USP25: variants seen among roughly 807,000 people sequenced by gnomAD.
The protein encoded by USP25 is ubiquitin carboxyl-terminal hydrolase 25.
USP25 carries 85 observed loss-of-function variants against 158.5 expected under a neutral mutation model. That is an observed-to-expected ratio of 0.54 (90% CI 0.45 to 0.64). The LOEUF (loss-of-function observed/expected upper bound fraction) is 0.64, where lower values mean the gene tolerates loss of function less well. Among genes scored for constraint, USP25 ranks in the 30% least tolerant of loss-of-function variants. USP25 has a pLI of 0.00. For synonymous variants in USP25, 464 were observed against 460.4 expected, an observed-to-expected ratio of 1.01 and a Z score of -0.10; for missense variants, 1,242 against 1,327.3, an observed-to-expected ratio of 0.94 and a Z score of 1.00.
At chr21:15,755,192 T>A (rs573521871) in intron 1 of USP25, among the ~76,000 whole-genome samples, 1 of 152,194 alleles carries the variant, frequency 6.6e-6, no homozygotes, top group South Asian at 2.1e-4. Context: ...TTTGGAAGGT[T>A]TTTTTAGAGG....
chr21:15,744,137 A>G (rs968661655), intron 1 of USP25: 3 of 153,120 alleles, frequency 2.0e-5, no homozygotes, highest in African/African-American at 7.2e-5. Flanking sequence ...TGTGGTTTCT[A>G]TGGTGTAAAG....
intron 20 of USP25, among the ~76,000 whole-genome samples, chr21:15,857,294 A>G (rs190876940): frequency 1.3e-3 from 196 of 152,292 alleles, no homozygotes; most frequent in African/African-American, 4.3e-3. Flanking sequence ...TATTTGAGTT[A>G]TTTTCAATAT....
chr21:15,767,470 CA>C (rs1364049705), intron 3 of USP25, among the ~76,000 whole-genome samples: 1 of 151,980 alleles, frequency 6.6e-6, no homozygotes, highest in Non-Finnish European at 1.5e-5. Flanking sequence ...TTTGCTTGAA[CA>C]TTATTGGTGC....
intron 1 of USP25, among the ~76,000 whole-genome samples, chr21:15,757,980 G>A (rs1187629358): frequency 2.6e-5 from 4 of 152,228 alleles, no homozygotes. Context: ...GATTTTGTAA[G>A]GAAAACTTCT....
chr21:15,782,710 C>T (rs746216494), intron 4 of USP25, among the ~76,000 whole-genome samples: 29 of 152,228 alleles, frequency 1.9e-4, no homozygotes, highest in Admixed American at 7.8e-4. Context: ...AGCCACCACA[C>T]GCCATTTCCA....
intron 3 of USP25, among the ~76,000 whole-genome samples, chr21:15,777,462 C>G (rs1216448919): frequency 6.6e-6 from 1 of 152,112 alleles, no homozygotes; most frequent in African/African-American, 2.4e-5. Flanking sequence ...TAAGAGTTCA[C>G]TGTTAATTAT....
intron 15 of USP25, among the ~76,000 whole-genome samples, chr21:15,831,095 A>C (rs979008635): frequency 6.6e-6 from 1 of 152,190 alleles, no homozygotes; most frequent in African/African-American, 2.4e-5. Context: ...ACTGCCCACT[A>C]TAAGCTTTTT....
chr21:15,817,948 A>G (rs537339990), intron 9 of USP25, among the ~76,000 whole-genome samples: 2 of 152,282 alleles, frequency 1.3e-5, no homozygotes, highest in South Asian at 4.1e-4. Context: ...TAGGACCACA[A>G]GACCTTGTAG....
At chr21:15,799,663 C>T (rs1366558882) in intron 5 of USP25, 94 bp from the exon 6 acceptor site, 6 of 742,486 alleles carry the variant, frequency 8.1e-6, no homozygotes, top group Non-Finnish European at 1.3e-5. Flanking sequence ...AAGTAGTACA[C>T]AGTTGTAAAA....
At chr21:15,819,492 C>T (rs2037121054) in intron 10 of USP25, among the ~76,000 whole-genome samples, 1 of 152,090 alleles carries the variant, frequency 6.6e-6, no homozygotes, top group Non-Finnish European at 1.5e-5. Flanking sequence ...ACGTGCTTCC[C>T]CAATCAGTTA....
chr21:15,817,251 T>C (rs1036695117), intron 9 of USP25, among the ~76,000 whole-genome samples: 1 of 152,200 alleles, frequency 6.6e-6, no homozygotes, highest in African/African-American at 2.4e-5. Context: ...ATTTTCCTTC[T>C]TACCTATCTC....
At chr21:15,806,986 T>C (rs540316607) in intron 7 of USP25, among the ~76,000 whole-genome samples, 1 of 152,226 alleles carries the variant, frequency 6.6e-6, no homozygotes, top group African/African-American at 2.4e-5. Flanking sequence ...TACAGTGGTA[T>C]GACAATGGCT....
intron 10 of USP25, 38 bp downstream of exon 10, chr21:15,818,884 G>T (rs776080540): frequency 6.2e-7 from 1 of 1,606,398 alleles, no homozygotes; most frequent in Admixed American, 1.7e-5. Context: ...TTCTTCCCTA[G>T]GTCTTTCTTA....
intron 23 of USP25, among the ~76,000 whole-genome samples, chr21:15,871,527 C>A (rs372174214): frequency 6.6e-6 from 1 of 152,052 alleles, no homozygotes; most frequent in Non-Finnish European, 1.5e-5. Flanking sequence ...ATAGAGACCT[C>A]GTATTCTTGT....
intron 1 of USP25, 89 bp downstream of exon 1, chr21:15,730,527 C>G (rs1181794080): frequency 7.9e-7 from 1 of 1,270,708 alleles, no homozygotes; most frequent in Non-Finnish European, 1.0e-6. Context: ...GGCCTCGCCG[C>G]CGCCGCCTTC....
intron 22 of USP25, among the ~76,000 whole-genome samples, chr21:15,867,147 CTTT>C (rs1568911289): frequency 6.6e-6 from 1 of 151,904 alleles, no homozygotes. Context: ...TTAAAATATT[CTTT>C]ATTTTAATTG....
chr21:15,830,044 A>G (rs560523420), intron 14 of USP25, among the ~76,000 whole-genome samples: 2 of 152,262 alleles, frequency 1.3e-5, no homozygotes, highest in Non-Finnish European at 2.9e-5. Flanking sequence ...TCCCTATCTG[A>G]ACAATTTTGT....
At chr21:15,862,095 G>C (rs371030476) in intron 20 of USP25, among the ~76,000 whole-genome samples, 2 of 152,032 alleles carry the variant, frequency 1.3e-5, no homozygotes, top group African/African-American at 4.8e-5. Flanking sequence ...GAATCACTCC[G>C]TGCATGTAAA....
At chr21:15,786,113 T>A (rs1204966916) in intron 4 of USP25, among the ~76,000 whole-genome samples, 1 of 151,862 alleles carries the variant, frequency 6.6e-6, no homozygotes, top group Admixed American at 6.6e-5. Flanking sequence ...ATGGAAAAAA[T>A]AAGCAGACCA....
Sources: gnomAD v4.1 joint callset for allele counts (sites outside exome capture counted in the v4.1 genomes callset) on GRCh38, gnomAD v4.1.1 for gene constraint, MANE v1.5 for transcripts, NCBI Gene and HGNC (gene_info 2026-07-23, HGNC 2026-07-21) for gene names.